Variants in FANCD2 observed in about 807,000 individuals in gnomAD.
FANCD2 encodes the protein Fanconi anemia group D2 protein.
Under a neutral mutation model 192.3 loss-of-function variants are expected in FANCD2, and 131 were observed. The observed-to-expected ratio is 0.68, with a 90% CI of 0.59 to 0.79. The LOEUF (loss-of-function observed/expected upper bound fraction) is 0.79, where lower values mean the gene tolerates loss of function less well. Among genes scored for constraint, FANCD2 ranks in the 30% least tolerant of loss-of-function variants. FANCD2 has a pLI of 0.00. For synonymous variants in FANCD2, 524 were observed against 612.5 expected, an observed-to-expected ratio of 0.86 and a Z score of 2.13; for missense variants, 1,508 against 1,701.6, an observed-to-expected ratio of 0.89 and a Z score of 2.00.
chr3:10,036,761 A>G (rs530055623), intron 7 of FANCD2, among the ~76,000 whole-genome samples: 1 of 152,048 alleles, frequency 6.6e-6, no homozygotes, highest in South Asian at 2.1e-4. Flanking sequence ...TATACTGGTA[A>G]TGGTAGTTGT....
chr3:10,073,394 G>A, intron 28 of FANCD2, 32 bp downstream of exon 28: 2 of 1,438,768 alleles, frequency 1.4e-6, no homozygotes, highest in South Asian at 1.1e-5. Flanking sequence ...GTGAAGGTTT[G>A]TGACATCCCA....
chr3:10,101,152 C>A, intron 43 of FANCD2, 36 bp from the exon 44 acceptor site: 3 of 1,526,414 alleles, frequency 2.0e-6, no homozygotes, highest in Non-Finnish European at 2.7e-6. Flanking sequence ...AGAGCAGTAA[C>A]CTAAAATGCT....
chr3:10,030,020 C>T (rs1300955508), intron 2 of FANCD2, among the ~76,000 whole-genome samples: 1 of 151,968 alleles, frequency 6.6e-6, no homozygotes, highest in Non-Finnish European at 1.5e-5. Flanking sequence ...CTCCTGACCT[C>T]AAGTGATCCA....
In FANCD2 at chr3:10,043,228, A is replaced by C. The variant is rs1384880450; in HGVS notation, c.989+78A>C. 6.9e-6 allele frequency: 7 copies of C among 1,014,050 alleles called. No individual in the cohort carries two copies. In the East Asian group the frequency reaches 1.7e-4, roughly 25 times the overall value. The allele number at this position is 1,014,050 out of a possible 1,614,324, so 62.8% of individuals were successfully genotyped here. ...CAGAGTTAGAGCTTAATACTACTACAAATAATGATACTATTATGACATTTA... is the reference window on the plus strand; with the variant it reads ...CAGAGTTAGAGCTTAATACTACTACCAATAATGATACTATTATGACATTTA... On this transcript the variant is annotated intron_variant, in intron 12 of 43. Coordinates refer to ENST00000675286, the MANE Select transcript of FANCD2 (RefSeq NM_001018115.3).
At chr3:10,049,676 A>C (rs1216353704) in intron 17 of FANCD2, among the ~76,000 whole-genome samples, 171 bp downstream of exon 17, 2 of 152,216 alleles carry the variant, frequency 1.3e-5, no homozygotes, top group Admixed American at 6.5e-5. Context: ...GCTAATCTCT[A>C]TTCTGGGTGC....
At position 10,101,377 on chromosome 3, in the gene FANCD2, CTTTTTTTTTTTTTTT is replaced by C. The variant is rs950337384; in HGVS notation, c.*126_*140del. The C allele has an allele frequency of 2.6e-6, 1 of 388,318 alleles. No individual in the cohort carries two copies. The highest frequency in any genetic ancestry group is 4.5e-5 in the East Asian group (1 of 22,266). 24.1% of individuals were successfully genotyped at this position (388,318 alleles called of 1,614,324 possible). ...ACTGGTAGGATCCTTTTTTGTTCCTCTTTTTTTTTTTTTTTTTTTTTTTTTAAAGACGGGGACTCG... is the reference window on the plus strand; with the variant it reads ...ACTGGTAGGATCCTTTTTTGTTCCTCTTTTTTTTTTAAAGACGGGGACTCG... On this transcript the variant is annotated 3_prime_UTR_variant, in exon 44 of 44. Coordinates refer to ENST00000675286, the MANE Select transcript of FANCD2 (RefSeq NM_001018115.3).
At position 10,031,242 on chromosome 3, in the gene FANCD2, G is replaced by A. The variant is rs534247470; in HGVS notation, c.65-1590G>A. Reference sequence around the variant, plus strand: ...AAGGAGGCCAGGCACGGTGGCTCACGCCTGTAATCCCAGCACTTTGGGTGG... The same window carrying A: ...AAGGAGGCCAGGCACGGTGGCTCACACCTGTAATCCCAGCACTTTGGGTGG... On this transcript the variant is annotated intron_variant, in intron 2 of 43. Transcript: ENST00000675286. Among the ~76,000 whole-genome samples the A allele has an allele frequency of 7.9e-5, 12 of 152,114 alleles. No homozygotes were observed. The East Asian group carries it at 9.7e-4, about 12-fold the overall frequency.
chr3:10,044,987 A>G (rs951430987), intron 14 of FANCD2, among the ~76,000 whole-genome samples: 1 of 151,896 alleles, frequency 6.6e-6, no homozygotes, highest in Non-Finnish European at 1.5e-5. Flanking sequence ...ATTCTGGTCT[A>G]ATAACTCAGT....
chr3:10,035,044 G>A, intron 5 of FANCD2, 129 bp from the exon 6 acceptor site: 1 of 792,044 alleles, frequency 1.3e-6, no homozygotes, highest in Non-Finnish European at 2.1e-6. Flanking sequence ...GCTCATTTCT[G>A]TATTTCTTGT....
Position 10,088,463 on chromosome 3 carries a change from C to CA in FANCD2, c.3483dup (p.Phe1162IlefsTer11), listed in dbSNP as rs753106716. ...TTTTCTAACAGCTTCCCTTGCCAGA[C>CA]AATTCCTCTGTCGGGTGTGGCCAAG... On this transcript the variant is annotated frameshift_variant, in exon 35 of 44. Transcript: ENST00000675286. LOFTEE classifies it high-confidence loss of function. 1 of 1,608,834 alleles carries CA rather than the reference C, an allele frequency of 6.2e-7. No individual in the cohort carries two copies. Among genetic ancestry groups the CA allele is most frequent in the South Asian group, 1.1e-5 (1 of 90,960 alleles).
intron 30 of FANCD2, among the ~76,000 whole-genome samples, chr3:10,078,722 G>C (rs2125055588): frequency 6.6e-6 from 1 of 151,866 alleles, no homozygotes. Context: ...CCAGCACTTT[G>C]GGAGGCCAAG....
chr3:10,101,062 C>T lies in FANCD2; in HGVS notation c.4282-126C>T, dbSNP rs544811421. Reference sequence around the variant, plus strand: ...CCAGCCTGGTGACAGAGCAAGACTCCTTTAAAAAAAAAAAAAAGTTTTAAC... The same window carrying T: ...CCAGCCTGGTGACAGAGCAAGACTCTTTTAAAAAAAAAAAAAAGTTTTAAC... On this transcript the variant is annotated intron_variant, in intron 43 of 43. Transcript: ENST00000675286. 9 of 691,162 alleles carry T rather than the reference C, an allele frequency of 1.3e-5. No individual in the cohort carries two copies. In the South Asian group the frequency reaches 1.4e-4, roughly 11 times the overall value. 42.8% of individuals were successfully genotyped at this position (691,162 alleles called of 1,614,324 possible). A position where few individuals can be genotyped will look rare whatever the true frequency, so the allele number is the denominator to read the frequency against.
intron 2 of FANCD2, chr3:10,032,460 G>GT (rs2086626125): frequency 3.4e-6 from 1 of 294,168 alleles, no homozygotes; most frequent in Non-Finnish European, 6.5e-6. Context: ...TGTGTGTGGA[G>GT]GGGGGGAATG....
chr3:10,090,127 G>T (rs540764870), intron 36 of FANCD2, among the ~76,000 whole-genome samples, 165 bp from the exon 37 acceptor site: 33 of 152,188 alleles, frequency 2.2e-4, no homozygotes, highest in South Asian at 1.9e-3. Flanking sequence ...ATCTTCTTGG[G>T]CTTATTACTG....
At chr3:10,051,360 G>A (rs1353877751) in intron 17 of FANCD2, among the ~76,000 whole-genome samples, 2 of 131,024 alleles carry the variant, frequency 1.5e-5, no homozygotes, top group Non-Finnish European at 3.1e-5. Context: ...CAGCCTGGGC[G>A]ACAGAGCGAG....
intron 41 of FANCD2, among the ~76,000 whole-genome samples, chr3:10,095,878 ATTTT>A (rs397950663): frequency 1.6e-5 from 2 of 125,766 alleles, no homozygotes; most frequent in Non-Finnish European, 3.3e-5. Flanking sequence ...CTGAACAGTG[ATTTT>A]TTTTTTTTTT....
At chr3:10,059,919 C>A (rs1200052205) in intron 18 of FANCD2, among the ~76,000 whole-genome samples, 3 of 152,040 alleles carry the variant, frequency 2.0e-5, no homozygotes, top group Non-Finnish European at 2.9e-5. Flanking sequence ...ACCTGTAATC[C>A]CAGCATTTTG....
At chr3:10,061,934 C>G (rs1273369637) in intron 19 of FANCD2, among the ~76,000 whole-genome samples, 2 of 130,852 alleles carry the variant, frequency 1.5e-5, no homozygotes, top group African/African-American at 6.0e-5. Context: ...AACACATGGA[C>G]ACAGGAAAGG....
rs537749185 is a variant in FANCD2 at position 10,094,532 on chromosome 3, ACTC to A, written c.3963+173_3963+175del. ...GACTGAATATTCCAAAGTAGGCTGA[ACTC>A]CTCAGGCCCACTCTGGATCAAACCC... is the stretch of plus-strand genomic sequence containing the variant. On this transcript the variant is annotated intron_variant, in intron 40 of 43. Transcript: ENST00000675286. 2.2e-3 allele frequency among the ~76,000 whole-genome samples: 337 copies of A among 151,770 alleles called. 2 individuals carry two copies. Among genetic ancestry groups the A allele is most frequent in the Non-Finnish European group, 3.5e-3 (240 of 67,870 alleles).
Sources: gnomAD v4.1 joint callset for allele counts (sites outside exome capture counted in the v4.1 genomes callset) on GRCh38, gnomAD v4.1.1 for gene constraint, MANE v1.5 for transcripts, NCBI Gene and HGNC (gene_info 2026-07-23, HGNC 2026-07-21) for gene names.